The following EYS variants were observed in gnomAD, a reference collection of about 807,000 sequenced individuals.
EYS encodes the protein EGF-like photoreceptor maintenance factor, also known as protein eyes shut homolog.
In EYS, 250 loss-of-function variants were observed where a neutral mutation model predicts 282.1. That is an observed-to-expected ratio of 0.89 (90% CI 0.80 to 0.98). EYS has a LOEUF of 0.98. Ranked by LOEUF, EYS falls within the 50% of genes least tolerant of loss-of-function variation. The pLI is 0.00. For synonymous variants in EYS, 1,355 were observed against 1,282.9 expected, an observed-to-expected ratio of 1.06 and a Z score of -1.20; for missense variants, 4,016 against 3,709.0, an observed-to-expected ratio of 1.08 and a Z score of -2.15.
At chr6:63,988,330 G>T (rs1582087073) in intron 34 of EYS, among the ~76,000 whole-genome samples, 2 of 151,690 alleles carry the variant, frequency 1.3e-5, no homozygotes, top group South Asian at 4.2e-4. Flanking sequence ...GCACAAAACT[G>T]GTAGAGAATG....
chr6:63,968,019 T>A (rs1235814240), intron 35 of EYS, among the ~76,000 whole-genome samples: 1 of 152,164 alleles, frequency 6.6e-6, no homozygotes, highest in East Asian at 1.9e-4. Context: ...TGCAGCTTAG[T>A]TTTAGGTTAT....
intron 5 of EYS, among the ~76,000 whole-genome samples, chr6:65,488,045 T>C (rs1033558394): frequency 6.6e-6 from 1 of 152,186 alleles, no homozygotes; most frequent in Non-Finnish European, 1.5e-5. Flanking sequence ...TTTTATTTCA[T>C]CTATTTAATT....
At chr6:64,986,281 C>CT (rs1393649516) in intron 14 of EYS, among the ~76,000 whole-genome samples, 4 of 151,488 alleles carry the variant, frequency 2.6e-5, no homozygotes, top group Non-Finnish European at 5.9e-5. Context: ...CTACATCTAT[C>CT]TTTTTTCTAT....
intron 26 of EYS, among the ~76,000 whole-genome samples, chr6:64,458,216 C>T (rs947807250): frequency 6.6e-6 from 1 of 152,040 alleles, no homozygotes; most frequent in Non-Finnish European, 1.5e-5. Flanking sequence ...TTACATACCA[C>T]CCTTACAGTA....
chr6:63,917,329 T>C (rs192304750), intron 35 of EYS, among the ~76,000 whole-genome samples: 3 of 152,344 alleles, frequency 2.0e-5, no homozygotes, highest in Non-Finnish European at 4.4e-5. Context: ...CAAAGCTACA[T>C]AATCTGCTCT....
intron 11 of EYS, among the ~76,000 whole-genome samples, chr6:65,327,979 G>T (rs1180073756): frequency 2.0e-5 from 3 of 151,368 alleles, no homozygotes; most frequent in African/African-American, 7.3e-5. Context: ...TATAGTCAAT[G>T]ATTATTAAAA....
chr6:65,178,780 A>G (rs1765295211), intron 12 of EYS, among the ~76,000 whole-genome samples: 1 of 152,028 alleles, frequency 6.6e-6, no homozygotes, highest in South Asian at 2.1e-4. Flanking sequence ...ACCACACCAC[A>G]CCTATTCCAA....
intron 18 of EYS, among the ~76,000 whole-genome samples, chr6:64,898,282 A>G (rs1297054183): frequency 6.6e-6 from 1 of 152,188 alleles, no homozygotes; most frequent in Non-Finnish European, 1.5e-5. Context: ...AAGCCAGAAG[A>G]CAGTGTGGAC....
At position 64,590,962 on chromosome 6, in the gene EYS, ACT is replaced by A; in HGVS notation, c.4903_4904del (p.Ser1635CysfsTer19). On this transcript the variant is annotated frameshift_variant, in exon 26 of 43. Coordinates refer to ENST00000503581, the MANE Select transcript of EYS (RefSeq NM_001142800.2). LOFTEE classifies it high-confidence loss of function. ...EVPSLFPSKK[S>X]AKRTILSSSL... The stretch of plus-strand genomic sequence containing the variant: ...ATGAGGATAAAATTGTTCTTTTTGC[ACT>A]CTTTTTAGAAGGAAATAAAGATGGC... The A allele has an allele frequency of 6.4e-7, 1 of 1,551,056 alleles. No homozygotes were observed. Among genetic ancestry groups the A allele is most frequent in the South Asian group, 1.2e-5 (1 of 84,050 alleles).
rs1766057196 is a variant in EYS at position 64,581,274 on chromosome 6, T to C, written c.5644+8949A>G. On this transcript the variant is annotated intron_variant, in intron 26 of 42. Coordinates refer to ENST00000503581, the MANE Select transcript of EYS (RefSeq NM_001142800.2). ...TGGTCAGCATGTGAAGAGGAGTCTGTGCATAAAACTGGGGTGGTAGAGTAG... is the reference window on the plus strand; with the variant it reads ...TGGTCAGCATGTGAAGAGGAGTCTGCGCATAAAACTGGGGTGGTAGAGTAG... 2.0e-5 allele frequency among the ~76,000 whole-genome samples: 3 copies of C among 152,144 alleles called. No homozygotes were observed. The South Asian group carries it at 6.2e-4, about 32-fold the overall frequency.
intron 35 of EYS, 55 bp downstream of exon 35, chr6:63,984,328 T>C: frequency 7.8e-7 from 1 of 1,282,470 alleles, no homozygotes; most frequent in South Asian, 1.3e-5. Flanking sequence ...CTTTTGTTGT[T>C]TTAAGAATTT....
chr6:65,616,656 C>A (rs537597623), intron 2 of EYS, among the ~76,000 whole-genome samples: 1 of 151,706 alleles, frequency 6.6e-6, no homozygotes, highest in African/African-American at 2.4e-5. Flanking sequence ...TGTGGTGGCA[C>A]GTGCCTGTAC....
At chr6:63,775,600 A>G (rs550543723) in intron 40 of EYS, among the ~76,000 whole-genome samples, 4 of 152,362 alleles carry the variant, frequency 2.6e-5, no homozygotes, top group South Asian at 4.1e-4. Context: ...AATAAAGTTT[A>G]GAGCCATATA....
rs1188721282 is a variant in EYS, at chr6:63,846,936, A to T, written c.7228+17250T>A. ...TTTAAAAATTTAAATTCTAAAATTT[A>T]TTTTTTTTAATTCTAGAAATAAATG... On this transcript the variant is annotated intron_variant, in intron 36 of 42. Coordinates refer to ENST00000503581, the MANE Select transcript of EYS (RefSeq NM_001142800.2). Among the ~76,000 whole-genome samples, 3 of 152,002 alleles carry T rather than the reference A, an allele frequency of 2.0e-5. No homozygotes were observed. In the East Asian group the frequency reaches 5.8e-4, roughly 29 times the overall value.
rs1483577837 is a variant in EYS, at chr6:63,788,215, G to T, written c.7613C>A (p.Pro2538Gln). The change falls in exon 39 of 43, where the codon CCA (proline) becomes CAA (glutamine). Residue 2538 changes from proline to glutamine, a missense_variant. Coordinates refer to ENST00000503581, the MANE Select transcript of EYS (RefSeq NM_001142800.2). ...GACATTGAGACCAACCAGTCTTCCT[G>T]GGGCGATAATGGATTTATTTTTATG... ...DDHKNKSIIA[P>Q]GRLVGLNVFS... 2 of 1,542,802 alleles carry T rather than the reference G, an allele frequency of 1.3e-6. No homozygotes were observed. The highest frequency in any genetic ancestry group is 2.8e-5 in the African/African-American group (2 of 72,502).
chr6:65,148,067 C>T (rs898458567), intron 12 of EYS, among the ~76,000 whole-genome samples: 7 of 151,956 alleles, frequency 4.6e-5, no homozygotes, highest in Admixed American at 1.3e-4. Context: ...TTCGGGTGAG[C>T]GCATAGGCAA....
intron 5 of EYS, among the ~76,000 whole-genome samples, chr6:65,471,430 C>A (rs181133868): frequency 1.3e-5 from 2 of 151,882 alleles, no homozygotes; most frequent in East Asian, 3.9e-4. Context: ...TTTATAAAAT[C>A]AACTAATAAA....
chr6:64,360,385 C>T (rs910096576), intron 29 of EYS, among the ~76,000 whole-genome samples: 11 of 151,766 alleles, frequency 7.2e-5, no homozygotes, highest in African/African-American at 2.7e-4. Context: ...CAGGCCATCA[C>T]TGGAGATGCT....
chr6:64,254,807 C>T (rs946418305), intron 30 of EYS, among the ~76,000 whole-genome samples: 3 of 152,050 alleles, frequency 2.0e-5, no homozygotes, highest in African/African-American at 7.2e-5. Flanking sequence ...CTGACTAATA[C>T]ATCTGTCAAT....
Sources: allele counts gnomAD v4.1 joint callset (sites outside exome capture counted in the v4.1 genomes callset), GRCh38; gene constraint gnomAD v4.1.1; transcripts MANE v1.5; gene names NCBI Gene and HGNC (gene_info 2026-07-23, HGNC 2026-07-21).